Variants in PHLPP2 observed in about 807,000 individuals in gnomAD.
PHLPP2 encodes the protein PH domain leucine-rich repeat-containing protein phosphatase 2.
PHLPP2 carries 66 observed loss-of-function variants against 124.9 expected under a neutral mutation model. The ratio of observed to expected loss-of-function variants is 0.53; its 90% CI spans 0.43 to 0.65. PHLPP2 has a LOEUF of 0.65. Ranked by LOEUF, PHLPP2 falls within the 30% of genes least tolerant of loss-of-function variation. The probability of loss-of-function intolerance (pLI) is 0.00; values close to 1 mark genes in which losing one functional copy is unlikely to be tolerated. For missense variants in PHLPP2, 1,685 were observed against 1,600.4 expected (o/e 1.05, Z -0.90); for synonymous variants, 681 against 624.7 (o/e 1.09, Z -1.34).
chr16:71,652,726 C>G, intron 18 of PHLPP2, 64 bp downstream of exon 18: 1 of 1,215,586 alleles, frequency 8.2e-7, no homozygotes, highest in South Asian at 1.2e-5. Context: ...CCTTCATCAC[C>G]TCTACACAAA....
chr16:71,672,264 G>A lies in PHLPP2; in HGVS notation c.1530C>T (p.Ser510=). The change falls in exon 10 of 19, where the codon TCC becomes TCT. Residue 510 remains serine (S), a splice_region_variant and synonymous_variant. Coordinates refer to ENST00000568954, the MANE Select transcript of PHLPP2 (RefSeq NM_015020.3). ...CCACCCTCATGAAAGACACTCACCG[G>A]GAGAGATCCAAGAAAGTGAGCAGGC... ...VPSLLTFLDL[S]RNLLECVPDW... is the part of the protein sequence containing the mutation. 1.2e-6 allele frequency: 2 copies of A among 1,611,620 alleles called. No homozygotes were observed. The highest frequency in any genetic ancestry group is 8.5e-7 in the Non-Finnish European group (1 of 1,177,834).
chr16:71,693,612 C>G (rs1217936274), intron 3 of PHLPP2, among the ~76,000 whole-genome samples: 3 of 152,340 alleles, frequency 2.0e-5, no homozygotes, highest in African/African-American at 7.2e-5. Context: ...TCACTTCCTG[C>G]TACCATCTGC....
chr16:71,652,798 TG>T lies in PHLPP2; in HGVS notation c.2808del (p.Ile937SerfsTer7). On this transcript the variant is annotated frameshift_variant, in exon 18 of 19. Coordinates refer to ENST00000568954, the MANE Select transcript of PHLPP2 (RefSeq NM_015020.3). LOFTEE classifies it high-confidence loss of function. ...CGGGGAGCGGAACACACCTCTGTGA[TG>T]ATGGCTTTTTGGTCCTTCACCCTTT... is the stretch of plus-strand genomic sequence containing the variant. Reference protein sequence around the residue: ...EAQRVKDQKAIITEDNKVNGV... With the variant: ...EAQRVKDQKAXITEDNKVNGV... The T allele has an allele frequency of 1.9e-6, 3 of 1,613,008 alleles. No homozygotes were observed. Among genetic ancestry groups the T allele is most frequent in the Non-Finnish European group, 1.7e-6 (2 of 1,178,970 alleles).
intron 15 of PHLPP2, among the ~76,000 whole-genome samples, chr16:71,657,988 T>G (rs2044756189): frequency 6.6e-6 from 1 of 152,220 alleles, no homozygotes; most frequent in Admixed American, 6.5e-5. Context: ...AAAACATCTA[T>G]GCCTGTTGTG....
Position 71,650,172 on chromosome 16 carries a change from T to A in PHLPP2, c.2818-128A>T, listed in dbSNP as rs2044686695. On this transcript the variant is annotated intron_variant, in intron 18 of 18. Transcript: ENST00000568954. ...ATATGATTTTTCCTATGGATTAGTA[T>A]AATTTTAAATGGATGCACACAAATA... is the stretch of plus-strand genomic sequence containing the variant. The A allele has an allele frequency of 9.1e-6, 6 of 655,842 alleles. No homozygotes were observed. The South Asian group carries it at 1.2e-4, about 14-fold the overall frequency. The allele number at this position is 655,842 out of a possible 1,614,324, so 40.6% of individuals were successfully genotyped here. A position where few individuals can be genotyped will look rare whatever the true frequency, so the allele number is the denominator to read the frequency against.
At chr16:71,687,405 T>G (rs2045064246) in intron 4 of PHLPP2, among the ~76,000 whole-genome samples, 1 of 152,226 alleles carries the variant, frequency 6.6e-6, no homozygotes, top group Admixed American at 6.5e-5. Flanking sequence ...TGAGTATATA[T>G]TCTTTCATCA....
chr16:71,659,232 T>C (rs2145312934), intron 13 of PHLPP2, among the ~76,000 whole-genome samples: 1 of 149,676 alleles, frequency 6.7e-6, no homozygotes, highest in South Asian at 2.1e-4. Context: ...GAGGTTGTAC[T>C]AAATCATCAC....
At chr16:71,692,522 G>A (rs906130223) in intron 3 of PHLPP2, among the ~76,000 whole-genome samples, 1 of 152,048 alleles carries the variant, frequency 6.6e-6, no homozygotes, top group Non-Finnish European at 1.5e-5. Flanking sequence ...CCTTAAAATT[G>A]TATTATTCAA....
intron 9 of PHLPP2, among the ~76,000 whole-genome samples, chr16:71,674,006 T>G (rs1466564129): frequency 6.6e-6 from 1 of 152,062 alleles, no homozygotes; most frequent in Non-Finnish European, 1.5e-5. Flanking sequence ...ATAAAGAGCA[T>G]AAAATAATGA....
intron 3 of PHLPP2, among the ~76,000 whole-genome samples, chr16:71,700,556 C>T (rs1243851408): frequency 8.3e-6 from 1 of 120,492 alleles, no homozygotes; most frequent in Non-Finnish European, 1.6e-5. Context: ...GACAGAGTCT[C>T]GCTCTGTCAC....
At chr16:71,672,388 T>C (rs1243872271) in intron 9 of PHLPP2, 66 bp from the exon 10 acceptor site, 2 of 1,133,754 alleles carry the variant, frequency 1.8e-6, no homozygotes, top group East Asian at 2.4e-5. Context: ...GAGCTGACAA[T>C]GGAAAAGTAG....
intron 2 of PHLPP2, among the ~76,000 whole-genome samples, chr16:71,703,879 T>TA: frequency 6.6e-6 from 1 of 152,310 alleles, no homozygotes; most frequent in East Asian, 1.9e-4. Flanking sequence ...ATTATTATTC[T>TA]AAAAAATTTT....
At chr16:71,679,618 T>C in intron 6 of PHLPP2, 83 bp from the exon 7 acceptor site, 1 of 1,134,210 alleles carries the variant, frequency 8.8e-7, no homozygotes, top group South Asian at 1.4e-5. Flanking sequence ...CGGCCTTTGA[T>C]ATCTATTTTA....
At chr16:71,694,747 G>A (rs1404504414) in intron 3 of PHLPP2, among the ~76,000 whole-genome samples, 2 of 151,648 alleles carry the variant, frequency 1.3e-5, no homozygotes, top group Non-Finnish European at 1.5e-5. Context: ...TAGTAATCAG[G>A]GGAAAAAAAT....
At chr16:71,679,367 G>A (rs2044975760) in intron 7 of PHLPP2, 22 bp downstream of exon 7, 2 of 1,607,524 alleles carry the variant, frequency 1.2e-6, no homozygotes, top group Non-Finnish European at 1.7e-6. Flanking sequence ...GGGAAAAGAG[G>A]AATCTAGTAA....
chr16:71,656,796 G>C, intron 15 of PHLPP2, 115 bp from the exon 16 acceptor site: 2 of 613,590 alleles, frequency 3.3e-6, no homozygotes, highest in South Asian at 3.7e-5. Context: ...TGTCACCCAG[G>C]CTGGAGTGCA....
At chr16:71,684,675 A>C in intron 4 of PHLPP2, 74 bp from the exon 5 acceptor site, 1 of 1,372,646 alleles carries the variant, frequency 7.3e-7, no homozygotes, top group Non-Finnish European at 1.0e-6. Flanking sequence ...AGGCAATCAC[A>C]AGACGAACAA....
intron 12 of PHLPP2, chr16:71,666,127 C>T (rs931012574): frequency 1.3e-5 from 2 of 151,622 alleles, no homozygotes; most frequent in Admixed American, 1.3e-4. Flanking sequence ...AAAATTGGAA[C>T]GATATAGAGA....
At chr16:71,671,021 G>T (rs1422262507) in intron 10 of PHLPP2, among the ~76,000 whole-genome samples, 12 of 152,150 alleles carry the variant, frequency 7.9e-5, no homozygotes, top group Non-Finnish European at 1.2e-4. Flanking sequence ...GACACTGGAA[G>T]GAGCTGGCAA....
Sources: gnomAD v4.1 joint callset for allele counts (sites outside exome capture counted in the v4.1 genomes callset) on GRCh38, gnomAD v4.1.1 for gene constraint, MANE v1.5 for transcripts, NCBI Gene and HGNC (gene_info 2026-07-23, HGNC 2026-07-21) for gene names.